The following CACNA1C variants were observed in gnomAD, a reference collection of about 807,000 sequenced individuals.
CACNA1C encodes voltage-dependent L-type calcium channel subunit alpha-1C.
A neutral mutation model predicts 229.0 loss-of-function variants in CACNA1C; 30 were observed. The observed-to-expected ratio is 0.13, with a 90% CI of 0.10 to 0.18. CACNA1C has a LOEUF of 0.18. Ranked by LOEUF, CACNA1C falls within the 10% of genes least tolerant of loss-of-function variation. The probability of loss-of-function intolerance (pLI) is 1.00; values close to 1 mark genes in which losing one functional copy is unlikely to be tolerated. For synonymous variants in CACNA1C, 1,114 were observed against 1,132.5 expected (o/e 0.98, Z 0.33); for missense variants, 1,658 against 2,845.0 (o/e 0.58, Z 9.49).
chr12:2,017,660 G>GTT (rs35525403), intron 1 of CACNA1C, among the ~76,000 whole-genome samples: 45,525 of 144,314 alleles, frequency 0.32, 7,184 homozygotes, highest in East Asian at 0.51. Flanking sequence ...TCTTTTTTCT[G>GTT]TTTTTTTTTT....
intron 4 of CACNA1C, among the ~76,000 whole-genome samples, chr12:2,455,247 C>T (rs1341348750): frequency 2.0e-5 from 3 of 152,140 alleles, no homozygotes; most frequent in East Asian, 3.8e-4. Context: ...TTTTTCTCTG[C>T]TCATTTAGAG....
intron 5 of CACNA1C, among the ~76,000 whole-genome samples, chr12:2,459,408 C>T (rs2099482933): frequency 6.6e-6 from 1 of 152,196 alleles, no homozygotes; most frequent in South Asian, 2.1e-4. Flanking sequence ...GCCTCTGATT[C>T]CCACACAACA....
At chr12:2,095,412 C>G (rs2073436700) in intron 1 of CACNA1C, among the ~76,000 whole-genome samples, 1 of 152,212 alleles carries the variant, frequency 6.6e-6, no homozygotes, top group South Asian at 2.1e-4. Context: ...TCTGTGAATC[C>G]TGACTCCATT....
At chr12:2,426,554 G>C (rs2099034133) in intron 3 of CACNA1C, among the ~76,000 whole-genome samples, 1 of 140,604 alleles carries the variant, frequency 7.1e-6, no homozygotes, top group South Asian at 2.1e-4. Context: ...TCAGAAAGGT[G>C]ATATATCAGT....
intron 1 of CACNA1C, among the ~76,000 whole-genome samples, chr12:2,000,831 G>A (rs1246812201): frequency 6.6e-6 from 1 of 152,218 alleles, no homozygotes; most frequent in East Asian, 1.9e-4. Context: ...GAGGTCAGGA[G>A]TTCAAGACCA....
At chr12:2,457,485 G>C (rs1243517314) in intron 4 of CACNA1C, 82 bp from the exon 5 acceptor site, 10 of 1,471,114 alleles carry the variant, frequency 6.8e-6, no homozygotes, top group Middle Eastern at 1.8e-4. Flanking sequence ...CTGCTTTTCC[G>C]GGCTGTATCC....
At chr12:2,028,563 A>G (rs2047712214) in intron 1 of CACNA1C, among the ~76,000 whole-genome samples, 1 of 152,222 alleles carries the variant, frequency 6.6e-6, no homozygotes, top group South Asian at 2.1e-4. Flanking sequence ...TGGTCCTATC[A>G]GCACCAACGT....
chr12:2,087,331 C>T (rs1218378615), intron 1 of CACNA1C, among the ~76,000 whole-genome samples: 1 of 152,144 alleles, frequency 6.6e-6, no homozygotes, highest in African/African-American at 2.4e-5. Context: ...TTCACTCTGT[C>T]CTGTGCTTTG....
intron 3 of CACNA1C, among the ~76,000 whole-genome samples, chr12:2,135,717 A>G (rs1359421108): frequency 1.4e-5 from 2 of 145,930 alleles, no homozygotes; most frequent in African/African-American, 5.4e-5. Flanking sequence ...CAAAGCTGTC[A>G]GACAGGGACA....
In CACNA1C at chr12:2,491,700, G is replaced by A. The variant is rs549420633; in HGVS notation, c.917-1490G>A. 3.2e-4 allele frequency among the ~76,000 whole-genome samples: 48 copies of A among 152,072 alleles called. No homozygotes were observed. In the South Asian group the frequency reaches 3.5e-3, roughly 11 times the overall value. On this transcript the variant is annotated intron_variant, in intron 6 of 46. Transcript: ENST00000399655. ...CCACTGCTGCTGGGAAGACACAATC[G>A]GGCATATATTTTCAAGTAGACTCTA...
At chr12:2,371,073 G>A (rs1049389613) in intron 3 of CACNA1C, among the ~76,000 whole-genome samples, 1 of 152,188 alleles carries the variant, frequency 6.6e-6, no homozygotes, top group Non-Finnish European at 1.5e-5. Context: ...ATATTTAGGG[G>A]CAATGGAATA....
intron 3 of CACNA1C, among the ~76,000 whole-genome samples, chr12:2,161,730 G>A (rs913032190): frequency 1.3e-5 from 2 of 152,234 alleles, no homozygotes; most frequent in African/African-American, 4.8e-5. Context: ...AGCGCTCTCT[G>A]GCCCCCAGAG....
At chr12:2,068,977 C>T (rs1166448235) in intron 1 of CACNA1C, among the ~76,000 whole-genome samples, 4 of 152,226 alleles carry the variant, frequency 2.6e-5, no homozygotes, top group African/African-American at 9.6e-5. Context: ...TCCGCAGTTC[C>T]AGCTGCTGCC....
At chr12:2,201,948 G>A (rs1474025031) in intron 3 of CACNA1C, among the ~76,000 whole-genome samples, 2 of 152,244 alleles carry the variant, frequency 1.3e-5, no homozygotes, top group Admixed American at 1.3e-4. Context: ...GAAGGAGGGA[G>A]TGCTTCTGGG....
chr12:2,589,536 T>TAG (rs2064163561), intron 18 of CACNA1C, among the ~76,000 whole-genome samples: 1 of 152,148 alleles, frequency 6.6e-6, no homozygotes. Context: ...AACCAAGGGA[T>TAG]AGTGCCCTGA....
In CACNA1C at chr12:2,403,749, G is replaced by C. The variant is rs1050638857; in HGVS notation, c.478-45227G>C. 6.6e-5 allele frequency among the ~76,000 whole-genome samples: 10 copies of C among 152,128 alleles called. No individual in the cohort carries two copies. Among genetic ancestry groups the C allele is most frequent in the African/African-American group, 1.9e-4 (8 of 41,434 alleles). The stretch of plus-strand genomic sequence containing the variant: ...ACCATCTCCCAGTGAGCCCCAGGTA[G>C]ACGTCTGCCACATCACTCAGGGGCT... On this transcript the variant is annotated intron_variant, in intron 3 of 46. Transcript: ENST00000399655. This position sits in a 1 kb window ranked among gnomAD's most constrained non-coding sequence, Gnocchi z 4.1.
At chr12:2,565,523 AATT>A (rs908986429) in intron 11 of CACNA1C, among the ~76,000 whole-genome samples, 3 of 151,536 alleles carry the variant, frequency 2.0e-5, no homozygotes, top group Non-Finnish European at 4.4e-5. Flanking sequence ...AATCAGACTT[AATT>A]GGTTTGGTGT....
intron 3 of CACNA1C, among the ~76,000 whole-genome samples, chr12:2,358,229 G>A (rs2097439414): frequency 1.3e-5 from 2 of 150,804 alleles, no homozygotes; most frequent in South Asian, 2.1e-4. Flanking sequence ...CACCAGGCTG[G>A]CCTAAAAGAA....
At chr12:2,066,338 G>A (rs1294972588) in intron 1 of CACNA1C, among the ~76,000 whole-genome samples, 3 of 152,170 alleles carry the variant, frequency 2.0e-5, no homozygotes, top group Non-Finnish European at 2.9e-5. Context: ...AGGAACGATG[G>A]AGAGCTGAAG....
Sources: gnomAD v4.1 joint callset for allele counts (sites outside exome capture counted in the v4.1 genomes callset) on GRCh38, gnomAD v4.1.1 for gene constraint, Gnocchi (gnomAD v3.1) non-coding constraint, MANE v1.5 for transcripts, NCBI Gene and HGNC (gene_info 2026-07-23, HGNC 2026-07-21) for gene names.